The following KPNA3 variants were observed in gnomAD, a reference collection of about 807,000 sequenced individuals.
The protein encoded by KPNA3 is importin subunit alpha-4.
Under a neutral mutation model 73.8 loss-of-function variants are expected in KPNA3, and 13 were observed. The observed-to-expected ratio is 0.18, with a 90% CI of 0.11 to 0.28. KPNA3 has a LOEUF of 0.28. Among genes scored for constraint, KPNA3 ranks in the 10% least tolerant of loss-of-function variants. The pLI is 1.00. For missense variants in KPNA3, 360 were observed against 618.1 expected (o/e 0.58, Z 4.43); for synonymous variants, 186 against 206.9 (o/e 0.90, Z 0.87).
At chr13:49,770,295 C>A (rs1220789070) in intron 1 of KPNA3, among the ~76,000 whole-genome samples, 1 of 150,958 alleles carries the variant, frequency 6.6e-6, no homozygotes, top group Non-Finnish European at 1.5e-5. Flanking sequence ...CCCACCTCAG[C>A]CTCCCAAGCA....
At chr13:49,740,471 T>TG (rs898548840) in intron 2 of KPNA3, among the ~76,000 whole-genome samples, 31 of 152,232 alleles carry the variant, frequency 2.0e-4, no homozygotes, top group African/African-American at 6.5e-4. Context: ...GATTAAATTA[T>TG]GGGGGTGGGT....
chr13:49,727,817 A>G (rs964892487), intron 6 of KPNA3, among the ~76,000 whole-genome samples: 3 of 152,206 alleles, frequency 2.0e-5, no homozygotes. Context: ...TAAAGCAAAA[A>G]CAAACATCAA....
chr13:49,706,302 C>A lies in KPNA3; in HGVS notation c.1103G>T (p.Gly368Val). The change falls in exon 13 of 17, where the codon GGA becomes GTA. Residue 368 changes from glycine (G) to valine (V), a missense_variant. This residue lies in a region of KPNA3 where 287 missense variants were observed against 549.1 expected (regional missense o/e 0.52). Coordinates refer to ENST00000261667, the MANE Select transcript of KPNA3 (RefSeq NM_002267.4). ...CTGATGAATTATCATAGGAATTAAT[C>A]CAGCATCTATTACAGCTTGAACTTG... Reference protein sequence around the residue: ...QQQVQAVIDAGLIPMIIHQLA... With the variant: ...QQQVQAVIDAVLIPMIIHQLA... The A allele has an allele frequency of 6.2e-7, 1 of 1,614,028 alleles. No homozygotes were observed. The highest frequency in any genetic ancestry group is 8.5e-7 in the Non-Finnish European group (1 of 1,179,958).
At chr13:49,702,364 C>T (rs370528024) in intron 16 of KPNA3, 22 bp downstream of exon 16, 75 of 1,166,796 alleles carry the variant, frequency 6.4e-5, no homozygotes, top group Middle Eastern at 1.9e-4. Context: ...TGAAGATACA[C>T]GCTATTTTAA....
chr13:49,709,945 G>A (rs1954244531), intron 11 of KPNA3, among the ~76,000 whole-genome samples: 2 of 152,002 alleles, frequency 1.3e-5, no homozygotes, highest in Admixed American at 6.6e-5. Flanking sequence ...AAAATAAAAG[G>A]AAATTAAAAT....
chr13:49,768,322 A>C (rs968633731), intron 1 of KPNA3, among the ~76,000 whole-genome samples: 1 of 150,974 alleles, frequency 6.6e-6, no homozygotes, highest in African/African-American at 2.4e-5. Context: ...GCCAATATGC[A>C]CTGTAGCCAA....
intron 1 of KPNA3, among the ~76,000 whole-genome samples, chr13:49,750,683 T>C (rs1353010596): frequency 2.0e-5 from 3 of 150,360 alleles, no homozygotes; most frequent in African/African-American, 7.4e-5. Context: ...ATGAGAGTAA[T>C]AATGAGTGAT....
At chr13:49,734,000 G>C (rs1954496469) in intron 2 of KPNA3, among the ~76,000 whole-genome samples, 1 of 152,176 alleles carries the variant, frequency 6.6e-6, no homozygotes, top group Non-Finnish European at 1.5e-5. Context: ...CAATAAAATG[G>C]CTATTGTTTT....
chr13:49,705,233 C>T (rs1324921799), intron 15 of KPNA3, among the ~76,000 whole-genome samples: 1 of 152,034 alleles, frequency 6.6e-6, no homozygotes, highest in African/African-American at 2.4e-5. Context: ...GTGGTGTGCG[C>T]CTGTAATCCC....
At chr13:49,756,199 G>C (rs2897771) in intron 1 of KPNA3, among the ~76,000 whole-genome samples, 2 of 151,908 alleles carry the variant, frequency 1.3e-5, no homozygotes, top group South Asian at 4.1e-4. Flanking sequence ...TCTTGAGCTC[G>C]GGAGACGGAG....
chr13:49,747,075 C>T (rs1054324906), intron 1 of KPNA3, 82 bp from the exon 2 acceptor site: 3 of 1,010,236 alleles, frequency 3.0e-6, no homozygotes, highest in South Asian at 1.4e-5. Flanking sequence ...GGTGCAGTGG[C>T]TCATGCCTAT....
intron 1 of KPNA3, among the ~76,000 whole-genome samples, chr13:49,762,250 G>C (rs1299300857): frequency 6.6e-6 from 1 of 150,774 alleles, no homozygotes; most frequent in Non-Finnish European, 1.5e-5. Context: ...GGAGGAGGGG[G>C]GGCGCCTCCG....
At chr13:49,712,971 T>TAAAA (rs34032976) in intron 10 of KPNA3, among the ~76,000 whole-genome samples, 2 of 136,704 alleles carry the variant, frequency 1.5e-5, no homozygotes, top group African/African-American at 5.4e-5. Flanking sequence ...ACTAACCTAT[T>TAAAA]AAAAAAAAAA....
At chr13:49,703,387 G>A (rs934845070) in intron 15 of KPNA3, among the ~76,000 whole-genome samples, 12 of 145,162 alleles carry the variant, frequency 8.3e-5, no homozygotes, top group African/African-American at 2.3e-4. Context: ...TCACCATGTT[G>A]GCCAGGCTGG....
At chr13:49,736,756 C>T (rs557646737) in intron 2 of KPNA3, among the ~76,000 whole-genome samples, 1 of 152,190 alleles carries the variant, frequency 6.6e-6, no homozygotes, top group Admixed American at 6.5e-5. Flanking sequence ...TGTTATCTAC[C>T]ACCACAGTCA....
At chr13:49,770,768 A>C (rs994822572) in intron 1 of KPNA3, among the ~76,000 whole-genome samples, 4 of 151,592 alleles carry the variant, frequency 2.6e-5, no homozygotes, top group South Asian at 4.2e-4. Context: ...GAAAAAAAAA[A>C]ACTATTCCTT....
intron 1 of KPNA3, among the ~76,000 whole-genome samples, chr13:49,790,742 T>C (rs187817699): frequency 6.6e-6 from 1 of 152,264 alleles, no homozygotes; most frequent in Admixed American, 6.5e-5. Context: ...GTACCTATTA[T>C]GTGCAGGAGT....
chr13:49,746,300 A>G (rs548244638), intron 2 of KPNA3, among the ~76,000 whole-genome samples: 2 of 152,168 alleles, frequency 1.3e-5, no homozygotes, highest in African/African-American at 4.8e-5. Flanking sequence ...ATAAACAAAA[A>G]TTAGCTGGGT....
intron 1 of KPNA3, among the ~76,000 whole-genome samples, chr13:49,766,713 T>C (rs1954810515): frequency 6.6e-6 from 1 of 152,190 alleles, no homozygotes; most frequent in Admixed American, 6.5e-5. Flanking sequence ...TCCTTCTCTA[T>C]CCAGTTCCAC....
Sources: gnomAD v4.1 joint callset for allele counts (sites outside exome capture counted in the v4.1 genomes callset) on GRCh38, gnomAD v4.1.1 for gene constraint, gnomAD v4.1.1 regional missense constraint, MANE v1.5 for transcripts, NCBI Gene and HGNC (gene_info 2026-07-23, HGNC 2026-07-21) for gene names.